The following RNF114 variants were observed in gnomAD, a reference collection of about 807,000 sequenced individuals.
RNF114 encodes the protein ring finger protein 114.
Under a neutral mutation model 28.4 loss-of-function variants are expected in RNF114, and 6 were observed. The observed-to-expected ratio is 0.21, with a 90% CI of 0.12 to 0.42. The LOEUF (loss-of-function observed/expected upper bound fraction) is 0.42, where lower values mean the gene tolerates loss of function less well. Ranked by LOEUF, RNF114 falls within the 10% of genes least tolerant of loss-of-function variation. RNF114 has a pLI of 1.00. For missense variants in RNF114, 249 were observed against 311.7 expected (o/e 0.80, Z 1.51); for synonymous variants, 115 against 116.7 (o/e 0.99, Z 0.09).
At position 49,952,626 on chromosome 20, in the gene RNF114, T is replaced by C. The variant is rs564138097; in HGVS notation, c.*485T>C. On this transcript the variant is annotated 3_prime_UTR_variant, in exon 6 of 6. Transcript: ENST00000244061. ...CAGAGCTGAAGCTCCCGCTGGGCTGTGGGGTTGCCAGAAGCTGGGGTTGCC... is the reference window on the plus strand; with the variant it reads ...CAGAGCTGAAGCTCCCGCTGGGCTGCGGGGTTGCCAGAAGCTGGGGTTGCC... 7.4e-4 allele frequency: 142 copies of C among 190,804 alleles called. No homozygotes were observed. The highest frequency in any genetic ancestry group is 3.2e-3 in the African/African-American group (140 of 43,108). 11.8% of individuals were successfully genotyped at this position (190,804 alleles called of 1,614,324 possible). A position where few individuals can be genotyped will look rare whatever the true frequency, so the allele number is the denominator to read the frequency against.
At chr20:49,936,601 A>T in intron 1 of RNF114, 49 bp downstream of exon 1, 2 of 1,563,048 alleles carry the variant, frequency 1.3e-6, no homozygotes, top group African/African-American at 2.8e-5. Context: ...CTGGGAAGGG[A>T]ATGGAGCCGA....
At chr20:49,948,552 C>G (rs376905894) in intron 4 of RNF114, among the ~76,000 whole-genome samples, 1 of 151,774 alleles carries the variant, frequency 6.6e-6, no homozygotes, top group Non-Finnish European at 1.5e-5. Flanking sequence ...ATTCTCATGC[C>G]TCAGCCTCTC....
In RNF114 at chr20:49,941,412, G is replaced by A. The variant is rs188433603; in HGVS notation, c.141-149G>A. 178 of 810,556 alleles carry A rather than the reference G, an allele frequency of 2.2e-4. 2 individuals carry two copies. The highest frequency in any genetic ancestry group is 1.8e-3 in the East Asian group (68 of 38,068). 50.2% of individuals were successfully genotyped at this position (810,556 alleles called of 1,614,324 possible). On this transcript the variant is annotated intron_variant, in intron 1 of 5. Transcript: ENST00000244061. The stretch of plus-strand genomic sequence containing the variant: ...TCCACTCCTATCCCTCATTTTTTCT[G>A]GCTTGGAAGGACTTAGTATTTGAAC...
intron 1 of RNF114, among the ~76,000 whole-genome samples, chr20:49,937,724 C>T (rs940557327): frequency 6.6e-6 from 1 of 151,970 alleles, no homozygotes; most frequent in Non-Finnish European, 1.5e-5. Flanking sequence ...GGCTTCAAGT[C>T]CCAGGTTAAG....
At chr20:49,939,150 T>G (rs2090297982) in intron 1 of RNF114, among the ~76,000 whole-genome samples, 1 of 152,254 alleles carries the variant, frequency 6.6e-6, no homozygotes, top group Non-Finnish European at 1.5e-5. Context: ...AGCAGCTTTC[T>G]ATGATCACCC....
intron 2 of RNF114, chr20:49,945,178 T>G (rs936178916): frequency 1.8e-5 from 9 of 499,246 alleles, no homozygotes; most frequent in African/African-American, 5.8e-5. Context: ...ATATCCTGAT[T>G]TAGTCGAATA....
At chr20:49,948,384 C>T (rs948171905) in intron 4 of RNF114, among the ~76,000 whole-genome samples, 2 of 151,914 alleles carry the variant, frequency 1.3e-5, no homozygotes, top group African/African-American at 4.8e-5. Context: ...GTAACTGCCG[C>T]CTTCTGGCCT....
chr20:49,946,089 A>G (rs911829495), intron 3 of RNF114, 47 bp from the exon 4 acceptor site: 3 of 975,768 alleles, frequency 3.1e-6, no homozygotes, highest in African/African-American at 3.3e-5. Flanking sequence ...TTTAATGGAA[A>G]GGTACTCACA....
intron 2 of RNF114, chr20:49,945,005 G>A (rs1380312911): frequency 6.1e-6 from 1 of 163,164 alleles, no homozygotes; most frequent in Non-Finnish European, 1.3e-5. Context: ...TTTCTCTGCT[G>A]CACATAACAG....
At chr20:49,949,092 T>A (rs930674801) in intron 4 of RNF114, among the ~76,000 whole-genome samples, 156 bp from the exon 5 acceptor site, 5 of 152,100 alleles carry the variant, frequency 3.3e-5, no homozygotes, top group Non-Finnish European at 7.4e-5. Context: ...ATTTGCAGTG[T>A]TTTTTTGGGC....
At chr20:49,952,042 G>A in intron 5 of RNF114, 34 bp from the exon 6 acceptor site, 1 of 1,534,400 alleles carries the variant, frequency 6.5e-7, no homozygotes, top group Non-Finnish European at 9.0e-7. Flanking sequence ...TCTAGAAACA[G>A]TTGCTGAGGC....
chr20:49,951,988 C>T, intron 5 of RNF114, 88 bp from the exon 6 acceptor site: 1 of 1,109,158 alleles, frequency 9.0e-7, no homozygotes, highest in Non-Finnish European at 1.4e-6. Flanking sequence ...GCTCCGGATC[C>T]AGTTGCTAGG....
chr20:49,942,389 G>A (rs543024495), intron 2 of RNF114, among the ~76,000 whole-genome samples: 2 of 152,324 alleles, frequency 1.3e-5, no homozygotes, highest in South Asian at 4.1e-4. Flanking sequence ...CTGGAAAGGA[G>A]AAATACTGTT....
chr20:49,942,031 G>A (rs898266034), intron 2 of RNF114: 9 of 266,176 alleles, frequency 3.4e-5, no homozygotes, highest in Admixed American at 5.7e-5. Flanking sequence ...TTGGGAGTCC[G>A]AGGCAAGAGC....
chr20:49,949,002 C>A (rs1284653187), intron 4 of RNF114, among the ~76,000 whole-genome samples: 1 of 152,202 alleles, frequency 6.6e-6, no homozygotes, highest in Non-Finnish European at 1.5e-5. Context: ...CACTTCTCTG[C>A]TTACAGTAGG....
chr20:49,949,002 C>T (rs1284653187), intron 4 of RNF114, among the ~76,000 whole-genome samples: 1 of 152,202 alleles, frequency 6.6e-6, no homozygotes. Context: ...CACTTCTCTG[C>T]TTACAGTAGG....
chr20:49,941,982 T>G, intron 2 of RNF114: 1 of 388,974 alleles, frequency 2.6e-6, no homozygotes, highest in South Asian at 3.4e-5. Flanking sequence ...AGATCAATTA[T>G]GGCCAGGCGC....
Position 49,946,259 on chromosome 20 carries a change from CCT to C in RNF114, c.513+10_513+11del. ...CGGATACCAAATCTGTGGTGAGTAACCTTTTTTTTTTTTTTTAAACTTCATTA... is the reference window on the plus strand; with the variant it reads ...CGGATACCAAATCTGTGGTGAGTAACTTTTTTTTTTTTTTAAACTTCATTA... On this transcript the variant is annotated intron_variant, in intron 4 of 5. Transcript: ENST00000244061. The C allele has an allele frequency of 7.6e-7, 1 of 1,312,286 alleles. No individual in the cohort carries two copies. Among genetic ancestry groups the C allele is most frequent in the Non-Finnish European group, 1.1e-6 (1 of 948,418 alleles). The allele number at this position is 1,312,286 out of a possible 1,614,324, so 81.3% of individuals were successfully genotyped here. A position where few individuals can be genotyped will look rare whatever the true frequency, so the allele number is the denominator to read the frequency against.
chr20:49,946,107 T>C, intron 3 of RNF114, 29 bp from the exon 4 acceptor site: 2 of 1,351,560 alleles, frequency 1.5e-6, no homozygotes, highest in Non-Finnish European at 2.1e-6. Flanking sequence ...ACAGAAAAGT[T>C]TTCTTTTTTC....
Sources: allele counts gnomAD v4.1 joint callset (sites outside exome capture counted in the v4.1 genomes callset), GRCh38; gene constraint gnomAD v4.1.1; transcripts MANE v1.5; gene names NCBI Gene and HGNC (gene_info 2026-07-23, HGNC 2026-07-21).